PLPPR5: variants seen among roughly 807,000 people sequenced by gnomAD.
PLPPR5 encodes phospholipid phosphatase related 5, also known as phospholipid phosphatase-related protein type 5.
In PLPPR5, 16 loss-of-function variants were observed where a neutral mutation model predicts 33.9. The observed-to-expected ratio is 0.47, with a 90% CI of 0.32 to 0.72. PLPPR5 has a LOEUF of 0.72. PLPPR5 is among the 30% of genes least tolerant of loss of function. The pLI is 0.03. For missense variants in PLPPR5, 301 were observed against 406.7 expected (o/e 0.74, Z 2.23); for synonymous variants, 163 against 150.3 (o/e 1.08, Z -0.62).
chr1:98,988,113 G>A (rs1418810739), intron 1 of PLPPR5, among the ~76,000 whole-genome samples: 1 of 152,036 alleles, frequency 6.6e-6, no homozygotes, highest in South Asian at 2.1e-4. Context: ...TGTGGTATCT[G>A]AGAAAAGACC....
At chr1:98,902,948 T>C (rs1193268130) in intron 5 of PLPPR5, among the ~76,000 whole-genome samples, 1 of 152,150 alleles carries the variant, frequency 6.6e-6, no homozygotes, top group Non-Finnish European at 1.5e-5. Context: ...AGCTGTCTTT[T>C]ATTTTTCATG....
intron 3 of PLPPR5, among the ~76,000 whole-genome samples, chr1:98,950,897 TG>T (rs1193259138): frequency 4.6e-5 from 7 of 152,056 alleles, no homozygotes; most frequent in Non-Finnish European, 1.0e-4. Flanking sequence ...TTTGTAAAGA[TG>T]GGATCTCCTA....
chr1:98,948,429 T>C (rs1365647053), intron 3 of PLPPR5, among the ~76,000 whole-genome samples: 1 of 152,148 alleles, frequency 6.6e-6, no homozygotes, highest in Non-Finnish European at 1.5e-5. Flanking sequence ...GGGAAAAGAC[T>C]GGGATAAATC....
chr1:98,953,317 A>G lies in PLPPR5; in HGVS notation c.374T>C (p.Ile125Thr). Residue 125 changes from isoleucine (I) to threonine (T), a missense_variant, in exon 3 of 6, where the codon ATT becomes ACT. Ile to Thr is a moderately conservative substitution (Grantham distance 89). Transcript: ENST00000263177. Reference sequence around the variant, plus strand: ...TGTAGCAAACAGTCCAAATGTATAAATTCCTGGGGAAGAAAACAAATAATT... The same window carrying G: ...TGTAGCAAACAGTCCAAATGTATAAGTTCCTGGGGAAGAAAACAAATAATT... ...LVRRTVRFLG[I>T]YTFGLFATDI... The G allele has an allele frequency of 6.2e-7, 1 of 1,612,784 alleles. No homozygotes were observed. The highest frequency in any genetic ancestry group is 8.5e-7 in the Non-Finnish European group (1 of 1,179,574).
chr1:98,952,199 C>G (rs1395318017), intron 3 of PLPPR5, among the ~76,000 whole-genome samples: 2 of 146,604 alleles, frequency 1.4e-5, no homozygotes, highest in Non-Finnish European at 3.0e-5. Flanking sequence ...GGAGGCGGAG[C>G]TTGCAGTGAG....
intron 1 of PLPPR5, among the ~76,000 whole-genome samples, chr1:98,999,345 T>C (rs1373908982): frequency 3.3e-5 from 5 of 152,130 alleles, no homozygotes; most frequent in Admixed American, 3.3e-4. Flanking sequence ...AATTTTACAA[T>C]AGAGAAAACG....
chr1:98,978,419 A>G (rs1651940260), intron 1 of PLPPR5, among the ~76,000 whole-genome samples: 1 of 152,042 alleles, frequency 6.6e-6, no homozygotes, highest in Admixed American at 6.6e-5. Flanking sequence ...CTACATGTAA[A>G]TTATTGCTCT....
intron 1 of PLPPR5, among the ~76,000 whole-genome samples, chr1:98,964,794 G>A (rs988313780): frequency 7.2e-5 from 11 of 152,050 alleles, no homozygotes; most frequent in African/African-American, 2.2e-4. Context: ...ATACTGAAGG[G>A]CTTTCACTGC....
intron 4 of PLPPR5, among the ~76,000 whole-genome samples, chr1:98,918,740 G>T (rs1649447590): frequency 6.6e-6 from 1 of 152,196 alleles, no homozygotes; most frequent in Non-Finnish European, 1.5e-5. Flanking sequence ...CAAACGTGAA[G>T]ACCGTGGTAT....
chr1:99,001,389 C>G (rs1652835741), intron 1 of PLPPR5, among the ~76,000 whole-genome samples: 1 of 151,778 alleles, frequency 6.6e-6, no homozygotes, highest in African/African-American at 2.4e-5. Context: ...CCCGCCTCAG[C>G]CTCCCAAAGT....
chr1:98,904,258 TC>T (rs1460299237), intron 5 of PLPPR5, among the ~76,000 whole-genome samples: 24 of 145,302 alleles, frequency 1.7e-4, no homozygotes, highest in African/African-American at 5.7e-4. Flanking sequence ...ATCATTACTT[TC>T]CCTTTTTTTT....
At chr1:98,922,890 C>T (rs1383284588) in intron 3 of PLPPR5, among the ~76,000 whole-genome samples, 1 of 151,944 alleles carries the variant, frequency 6.6e-6, no homozygotes, top group Non-Finnish European at 1.5e-5. Context: ...GAGGCTGAGG[C>T]AGGAGAATGG....
At chr1:98,909,375 A>G (rs1649035628) in intron 5 of PLPPR5, among the ~76,000 whole-genome samples, 1 of 151,140 alleles carries the variant, frequency 6.6e-6, no homozygotes, top group Non-Finnish European at 1.5e-5. Flanking sequence ...CTATACTACT[A>G]AAGAAAAATA....
At chr1:98,954,660 T>G (rs2101215889) in intron 2 of PLPPR5, among the ~76,000 whole-genome samples, 1 of 152,276 alleles carries the variant, frequency 6.6e-6, no homozygotes, top group South Asian at 2.1e-4. Context: ...TAGTTCACTC[T>G]TTATCTAAAA....
chr1:99,005,134 G>C (rs1653038128), upstream of PLPPR5: 1 of 152,130 alleles, frequency 6.6e-6, no homozygotes, highest in Non-Finnish European at 1.5e-5. Context: ...GGACGCTGTG[G>C]GGCTGGAGAA....
intron 4 of PLPPR5, among the ~76,000 whole-genome samples, chr1:98,916,127 A>G (rs949553430): frequency 3.0e-4 from 46 of 152,210 alleles, no homozygotes; most frequent in Admixed American, 3.0e-3. Context: ...TCAAAGGCCA[A>G]TTAGATCAAT....
chr1:98,925,801 G>A (rs1014641809), intron 3 of PLPPR5, among the ~76,000 whole-genome samples: 8 of 152,216 alleles, frequency 5.3e-5, no homozygotes, highest in African/African-American at 1.9e-4. Flanking sequence ...ATGAGCATGA[G>A]AGTTCCAGGC....
chr1:99,000,563 C>A (rs563457139), intron 1 of PLPPR5, among the ~76,000 whole-genome samples: 4 of 152,170 alleles, frequency 2.6e-5, no homozygotes, highest in African/African-American at 9.6e-5. Context: ...TTGCTGCCTC[C>A]AAGGGGTTGT....
chr1:98,942,058 T>G (rs1025761062), intron 3 of PLPPR5, among the ~76,000 whole-genome samples: 10 of 119,940 alleles, frequency 8.3e-5, no homozygotes, highest in South Asian at 2.8e-4. Context: ...ATATGAGAGA[T>G]AGAGAGAGAG....
Sources: gnomAD v4.1 joint callset for allele counts (sites outside exome capture counted in the v4.1 genomes callset) on GRCh38, gnomAD v4.1.1 for gene constraint, MANE v1.5 for transcripts, NCBI Gene and HGNC (gene_info 2026-07-23, HGNC 2026-07-21) for gene names.